DTNBP1: variants seen among roughly 807,000 people sequenced by gnomAD.
DTNBP1 encodes dysbindin.
In DTNBP1, 35 loss-of-function variants were observed where a neutral mutation model predicts 42.8. The observed-to-expected ratio is 0.82, with a 90% confidence interval of 0.63 to 1.09. The LOEUF (loss-of-function observed/expected upper bound fraction) is 1.09. Ranked by LOEUF, DTNBP1 falls within the 50% of genes least tolerant of loss-of-function variation. The pLI, the probability that DTNBP1 is intolerant of heterozygous loss-of-function variation, is 0.00. For missense variants in DTNBP1, 457 were observed against 424.2 expected (o/e 1.08, Z -0.68); for synonymous variants, 171 against 162.2 (o/e 1.05, Z -0.41).
intron 6 of DTNBP1, among the ~76,000 whole-genome samples, chr6:15,602,644 G>C (rs1259831557): frequency 3.3e-5 from 5 of 152,098 alleles, no homozygotes; most frequent in Non-Finnish European, 7.4e-5. Flanking sequence ...AGTTATTACA[G>C]ACTCTAAATT....
intron 8 of DTNBP1, among the ~76,000 whole-genome samples, chr6:15,529,751 C>T (rs1772681618): frequency 1.3e-5 from 2 of 152,274 alleles, no homozygotes; most frequent in Admixed American, 1.3e-4. Context: ...TATCCTGACA[C>T]TCAGCAATAA....
intron 1 of DTNBP1, among the ~76,000 whole-genome samples, chr6:15,662,009 G>C (rs1433345003): frequency 2.0e-5 from 3 of 152,198 alleles, no homozygotes; most frequent in African/African-American, 7.2e-5. Flanking sequence ...GTCTCGGCCT[G>C]TGGTTCCCAG....
chr6:15,634,485 T>G (rs1759886916), intron 4 of DTNBP1, among the ~76,000 whole-genome samples: 1 of 152,050 alleles, frequency 6.6e-6, no homozygotes, highest in Admixed American at 6.6e-5. Context: ...CCAGGCTAAT[T>G]TTTTGTATTT....
intron 9 of DTNBP1, chr6:15,523,464 A>C: frequency 7.7e-7 from 1 of 1,295,210 alleles, no homozygotes; most frequent in African/African-American, 1.5e-5. Context: ...ACACAGATCA[A>C]GTGCTCCTAA....
chr6:15,569,626 G>C (rs1489734455), intron 7 of DTNBP1, among the ~76,000 whole-genome samples: 3 of 152,116 alleles, frequency 2.0e-5, no homozygotes, highest in Non-Finnish European at 2.9e-5. Flanking sequence ...TTAAGCAACA[G>C]ACCTGTTAGG....
chr6:15,618,744 G>C (rs1053414610), intron 5 of DTNBP1, among the ~76,000 whole-genome samples: 4 of 152,070 alleles, frequency 2.6e-5, no homozygotes, highest in African/African-American at 7.2e-5. Context: ...CAAGGGAAAG[G>C]AAATCAGTAT....
chr6:15,606,604 C>T (rs1305964712), intron 6 of DTNBP1, among the ~76,000 whole-genome samples: 1 of 152,212 alleles, frequency 6.6e-6, no homozygotes, highest in Non-Finnish European at 1.5e-5. Flanking sequence ...CCTATTAGCA[C>T]TGGAGGAGTG....
At chr6:15,630,172 A>G (rs1471724155) in intron 4 of DTNBP1, among the ~76,000 whole-genome samples, 2 of 152,230 alleles carry the variant, frequency 1.3e-5, no homozygotes, top group African/African-American at 4.8e-5. Flanking sequence ...ATGATGTAGA[A>G]TAGGATCTTA....
chr6:15,604,223 GA>G (rs1270045311), intron 6 of DTNBP1, among the ~76,000 whole-genome samples: 2 of 152,250 alleles, frequency 1.3e-5, no homozygotes, highest in East Asian at 3.9e-4. Flanking sequence ...TGTTTCGGGG[GA>G]GAGAATAAAT....
chr6:15,533,245 C>T lies in DTNBP1; in HGVS notation c.662G>A (p.Arg221Gln), dbSNP rs76349207. The change falls in exon 8 of 10, where the codon CGG (arginine) becomes CAG (glutamine). Residue 221 changes from arginine (R) to glutamine (Q), a missense_variant. Transcript: ENST00000344537. ...LSTGYLQIAE[R>Q]REPIGSMSSM... is the part of the protein sequence containing the mutation. ...CAGCCCCAGCCCCCACTCGCCTCGC[C>T]GCTCTGCAATCTGCAGGTAGCCAGT... 5.1e-4 allele frequency: 821 copies of T among 1,613,920 alleles called. 3 individuals carry two copies. In the African/African-American group the frequency reaches 6.1e-3, roughly 12 times the overall value.
chr6:15,523,693 C>T, intron 9 of DTNBP1: 1 of 1,287,092 alleles, frequency 7.8e-7, no homozygotes, highest in Non-Finnish European at 1.0e-6. Context: ...ATTCTATATG[C>T]AGGTGTCACT....
intron 6 of DTNBP1, among the ~76,000 whole-genome samples, chr6:15,597,755 C>A (rs1776572735): frequency 1.3e-5 from 2 of 152,216 alleles, no homozygotes; most frequent in Admixed American, 1.3e-4. Context: ...TTGGACCCAA[C>A]AGACACTCAG....
chr6:15,585,905 A>C, intron 7 of DTNBP1: 1 of 1,419,824 alleles, frequency 7.0e-7, no homozygotes, highest in Non-Finnish European at 9.2e-7. Flanking sequence ...TTTTCCAAAG[A>C]AATTGTAGTA....
At position 15,523,068 on chromosome 6, in the gene DTNBP1, G is replaced by A. The variant is rs371824272; in HGVS notation, c.963C>T (p.Ser321=). The change falls in exon 10 of 10, where the codon TCC becomes TCT. Residue 321 remains serine (S), a synonymous_variant. Coordinates refer to ENST00000344537, the MANE Select transcript of DTNBP1 (RefSeq NM_032122.5). ...SEGGESPVVQ[S]DEEEVQVDTA... is the part of the protein sequence containing the mutation. ...TGTCCACCTGAACTTCCTCCTCATC[G>A]GACTGAACAACGGGGGACTCCCCAC... 11 of 1,614,042 alleles carry A rather than the reference G, an allele frequency of 6.8e-6. No individual in the cohort carries two copies. The highest frequency in any genetic ancestry group is 4.5e-5 in the East Asian group (2 of 44,884).
At chr6:15,551,361 C>T (rs1396734750) in intron 7 of DTNBP1, among the ~76,000 whole-genome samples, 1 of 152,170 alleles carries the variant, frequency 6.6e-6, no homozygotes, top group Non-Finnish European at 1.5e-5. Flanking sequence ...CTGGCTACAA[C>T]AACCTTACGC....
chr6:15,543,689 TC>T (rs556090526), intron 7 of DTNBP1, among the ~76,000 whole-genome samples: 89 of 152,340 alleles, frequency 5.8e-4, no homozygotes, highest in Middle Eastern at 3.4e-3. Context: ...CATTCTTTAC[TC>T]TCCTTGCCCC....
At chr6:15,625,219 A>G (rs1031343072) in intron 5 of DTNBP1, among the ~76,000 whole-genome samples, 2 of 152,220 alleles carry the variant, frequency 1.3e-5, no homozygotes, top group Admixed American at 1.3e-4. Flanking sequence ...TTCAAAGGCT[A>G]ACAGATAATT....
intron 9 of DTNBP1, chr6:15,523,482 A>C (rs936197142): frequency 2.3e-6 from 3 of 1,277,622 alleles, no homozygotes; most frequent in Non-Finnish European, 3.0e-6. Flanking sequence ...TAAGGCTGTA[A>C]TACGCGTGTA....
intron 7 of DTNBP1, among the ~76,000 whole-genome samples, chr6:15,569,935 A>G (rs1272536491): frequency 6.6e-6 from 1 of 152,038 alleles, no homozygotes; most frequent in Non-Finnish European, 1.5e-5. Context: ...TTCTCACTAG[A>G]CAAAACTCCA....
Sources: gnomAD v4.1 joint callset for allele counts (sites outside exome capture counted in the v4.1 genomes callset) on GRCh38, gnomAD v4.1.1 for gene constraint, MANE v1.5 for transcripts, NCBI Gene and HGNC (gene_info 2026-07-23, HGNC 2026-07-21) for gene names.